Variants in CCSER1 observed in about 807,000 individuals in gnomAD.
CCSER1 encodes the protein coiled-coil serine rich protein 1, also known as serine-rich coiled-coil domain-containing protein 1.
A neutral mutation model predicts 82.0 loss-of-function variants in CCSER1; 41 were observed. The observed-to-expected ratio is 0.50, with a 90% CI of 0.39 to 0.65. The LOEUF (loss-of-function observed/expected upper bound fraction) is 0.65. Ranked by LOEUF, CCSER1 falls within the 30% of genes least tolerant of loss-of-function variation. The probability of loss-of-function intolerance (pLI) is 0.00; values close to 1 mark genes in which losing one functional copy is unlikely to be tolerated. For synonymous variants in CCSER1, 414 were observed against 383.9 expected, an observed-to-expected ratio of 1.08 and a Z score of -0.92; for missense variants, 1,119 against 1,064.2, an observed-to-expected ratio of 1.05 and a Z score of -0.72.
At chr4:91,126,001 T>G (rs1159993824) in intron 10 of CCSER1, among the ~76,000 whole-genome samples, 10 of 151,700 alleles carry the variant, frequency 6.6e-5, no homozygotes, top group Admixed American at 6.6e-4. Flanking sequence ...GAATGTATAT[T>G]CCAATATACG....
rs144687837 is a variant in CCSER1 at position 91,114,350 on chromosome 4, T to A, written c.2217+28356T>A. ...CATCTATAGATACCAATTATGTTGA[T>A]AATGTGACTTCCATTATCAACACTT... On this transcript the variant is annotated intron_variant, in intron 10 of 10. Coordinates refer to ENST00000509176, the MANE Select transcript of CCSER1 (RefSeq NM_001145065.2). 3.1e-3 allele frequency among the ~76,000 whole-genome samples: 472 copies of A among 152,222 alleles called. 1 individual carries two copies. The highest frequency in any genetic ancestry group is 4.8e-3 in the Non-Finnish European group (328 of 68,022).
At chr4:90,796,397 G>A (rs745609087) in intron 7 of CCSER1, among the ~76,000 whole-genome samples, 2 of 142,396 alleles carry the variant, frequency 1.4e-5, no homozygotes, top group Non-Finnish European at 3.0e-5. Context: ...GTAGCTAGTG[G>A]TATATCTATT....
intron 7 of CCSER1, among the ~76,000 whole-genome samples, chr4:90,762,698 T>C (rs1750592662): frequency 6.6e-6 from 1 of 152,142 alleles, no homozygotes; most frequent in Non-Finnish European, 1.5e-5. Context: ...AAAATAACCA[T>C]ACCAATTTTT....
chr4:90,471,831 G>T (rs1764451359), intron 5 of CCSER1, among the ~76,000 whole-genome samples: 1 of 152,008 alleles, frequency 6.6e-6, no homozygotes, highest in Non-Finnish European at 1.5e-5. Context: ...AAAAAAATTA[G>T]CCAGGCATGG....
chr4:91,520,249 A>G lies in CCSER1; in HGVS notation c.2218-78323A>G, dbSNP rs148430924. 2.3e-3 allele frequency among the ~76,000 whole-genome samples: 346 copies of G among 150,748 alleles called. 2 individuals carry two copies. The highest frequency in any genetic ancestry group is 8.1e-3 in the African/African-American group (333 of 41,238). The stretch of plus-strand genomic sequence containing the variant: ...GGATTACAATTAATGTCTTTACTTC[A>G]ATCTATCTTCTTTAGATTAATTCCA... On this transcript the variant is annotated intron_variant, in intron 10 of 10. Transcript: ENST00000509176.
chr4:90,733,420 A>T (rs1037710165), intron 7 of CCSER1, among the ~76,000 whole-genome samples: 2 of 152,082 alleles, frequency 1.3e-5, no homozygotes, highest in East Asian at 3.9e-4. Flanking sequence ...AGCTCCTTAT[A>T]TATTCTTATG....
intron 10 of CCSER1, among the ~76,000 whole-genome samples, chr4:91,378,680 A>G (rs1478671035): frequency 2.0e-5 from 3 of 152,132 alleles, no homozygotes; most frequent in Non-Finnish European, 2.9e-5. Context: ...TAAATATACA[A>G]TCTTGTCATC....
intron 10 of CCSER1, among the ~76,000 whole-genome samples, chr4:91,205,680 T>C (rs1301388889): frequency 6.6e-6 from 1 of 151,164 alleles, no homozygotes; most frequent in Non-Finnish European, 1.5e-5. Flanking sequence ...TACCCTCCCT[T>C]CATTTTCTTT....
chr4:91,426,605 T>C (rs1434928884), intron 10 of CCSER1, among the ~76,000 whole-genome samples: 2 of 152,178 alleles, frequency 1.3e-5, no homozygotes, highest in Non-Finnish European at 2.9e-5. Flanking sequence ...AAAAACTTAG[T>C]CTATTGTATT....
At chr4:90,769,777 T>A (rs1751797402) in intron 7 of CCSER1, among the ~76,000 whole-genome samples, 1 of 152,200 alleles carries the variant, frequency 6.6e-6, no homozygotes, top group Non-Finnish European at 1.5e-5. Context: ...GAGTAGGTAC[T>A]ACAGTAGTAT....
intron 10 of CCSER1, among the ~76,000 whole-genome samples, chr4:91,370,110 C>T (rs1187167722): frequency 1.3e-5 from 2 of 152,048 alleles, no homozygotes; most frequent in Admixed American, 6.6e-5. Context: ...TACCTGCTAA[C>T]AAGTCTATTT....
intron 1 of CCSER1, among the ~76,000 whole-genome samples, chr4:90,197,331 GA>G (rs1249767744): frequency 6.6e-6 from 1 of 152,046 alleles, no homozygotes; most frequent in African/African-American, 2.4e-5. Flanking sequence ...CTGTTGGTGG[GA>G]ATATAAGTTA....
At chr4:90,522,913 T>C (rs1334774902) in intron 5 of CCSER1, among the ~76,000 whole-genome samples, 1 of 152,176 alleles carries the variant, frequency 6.6e-6, no homozygotes, top group Non-Finnish European at 1.5e-5. Flanking sequence ...AAATTAAGTC[T>C]CTTAGAGTGG....
At chr4:91,560,580 G>T (rs1199297369) in intron 10 of CCSER1, among the ~76,000 whole-genome samples, 2 of 151,370 alleles carry the variant, frequency 1.3e-5, no homozygotes, top group Non-Finnish European at 3.0e-5. Context: ...CAAGTTGCAG[G>T]TCAATTTTTA....
intron 9 of CCSER1, among the ~76,000 whole-genome samples, chr4:91,037,263 T>C (rs2870284): frequency 0.42 from 58,593 of 139,836 alleles, 12,175 homozygotes; most frequent in East Asian, 0.64. Flanking sequence ...CACACATACA[T>C]ACACACACAC....
intron 6 of CCSER1, among the ~76,000 whole-genome samples, chr4:90,706,749 T>C (rs997013770): frequency 1.4e-4 from 21 of 152,246 alleles, no homozygotes; most frequent in Non-Finnish European, 1.5e-5. Context: ...TTGAAGTATA[T>C]TCTTTCTGTT....
intron 1 of CCSER1, among the ~76,000 whole-genome samples, chr4:90,213,139 G>T (rs1267379834): frequency 6.6e-6 from 1 of 152,144 alleles, no homozygotes; most frequent in Non-Finnish European, 1.5e-5. Flanking sequence ...AAAATACCCT[G>T]ATAGCAGGGT....
intron 6 of CCSER1, among the ~76,000 whole-genome samples, chr4:90,717,517 C>T (rs1304243158): frequency 6.6e-6 from 1 of 152,006 alleles, no homozygotes; most frequent in Non-Finnish European, 1.5e-5. Context: ...ACTGCTAAAA[C>T]AACAAACACT....
At chr4:90,371,206 T>C (rs1747342447) in intron 3 of CCSER1, among the ~76,000 whole-genome samples, 1 of 152,194 alleles carries the variant, frequency 6.6e-6, no homozygotes, top group South Asian at 2.1e-4. Context: ...ATAAATCTCC[T>C]TAAAATATTT....
Sources: gnomAD v4.1 joint callset for allele counts (sites outside exome capture counted in the v4.1 genomes callset) on GRCh38, gnomAD v4.1.1 for gene constraint, MANE v1.5 for transcripts, NCBI Gene and HGNC (gene_info 2026-07-23, HGNC 2026-07-21) for gene names.